Variants in BAHCC1 observed in about 807,000 individuals in gnomAD.
The protein encoded by BAHCC1 is BAH domain and coiled-coil containing 1.
Under a neutral mutation model 88.2 loss-of-function variants are expected in BAHCC1, and 43 were observed. The ratio of observed to expected loss-of-function variants is 0.49; its 90% confidence interval spans 0.38 to 0.63. The LOEUF (loss-of-function observed/expected upper bound fraction) is 0.63. BAHCC1 is among the 20% of genes least tolerant of loss of function. BAHCC1 has a pLI of 0.00. For missense variants in BAHCC1, 3,023 were observed against 1,654.8 expected, an observed-to-expected ratio of 1.83 and a Z score of -14.34; for synonymous variants, 1,510 against 745.5, an observed-to-expected ratio of 2.03 and a Z score of -16.71.
intron 1 of BAHCC1, among the ~76,000 whole-genome samples, chr17:81,398,269 C>T (rs1458174066): frequency 2.6e-5 from 4 of 152,228 alleles, no homozygotes; most frequent in African/African-American, 9.6e-5. Context: ...CAGCTTCTAT[C>T]ACTGGCTCCG....
chr17:81,410,472 T>C (rs1423510120), intron 2 of BAHCC1, among the ~76,000 whole-genome samples: 1 of 152,218 alleles, frequency 6.6e-6, no homozygotes, highest in African/African-American at 2.4e-5. Flanking sequence ...TACCCCTACC[T>C]GTGCAGGGGC....
At position 81,447,058 on chromosome 17, in the gene BAHCC1, C is replaced by T. The variant is rs1555654593; in HGVS notation, c.3186C>T (p.Arg1062=). ...SEPDLPPGYL[R]PMAGLGFSLP... is the part of the protein sequence containing the mutation. ...CAGACCTGCCTCCCGGATACCTGCG[C>T]CCCATGGCTGGCCTGGGCTTCTCCC... Residue 1062 remains arginine (R), a synonymous_variant, in exon 11 of 28, where the codon CGC becomes CGT. Coordinates refer to ENST00000675386, the MANE Select transcript of BAHCC1 (RefSeq NM_001377448.1). 1.3e-6 allele frequency: 1 copy of T among 779,252 alleles called. No homozygotes were observed. The highest frequency in any genetic ancestry group is 1.7e-5 in the African/African-American group (1 of 59,140). The allele number at this position is 779,252 out of a possible 1,614,324, so 48.3% of individuals were successfully genotyped here. A position where few individuals can be genotyped will look rare whatever the true frequency, so the allele number is the denominator to read the frequency against.
At chr17:81,460,100 G>C (rs573097537) in intron 23 of BAHCC1, among the ~76,000 whole-genome samples, 177 bp from the exon 24 acceptor site, 1 of 152,128 alleles carries the variant, frequency 6.6e-6, no homozygotes, top group South Asian at 2.1e-4. Flanking sequence ...GGCACTGCAG[G>C]AGGTGGAGAG....
At position 81,399,560 on chromosome 17, in the gene BAHCC1, G is replaced by A; in HGVS notation, c.-180G>A. 2 of 387,058 alleles carry A rather than the reference G, an allele frequency of 5.2e-6. No individual in the cohort carries two copies. The highest frequency in any genetic ancestry group is 5.0e-6 in the Non-Finnish European group (1 of 201,438). 24.0% of individuals were successfully genotyped at this position (387,058 alleles called of 1,614,324 possible). ...CCATGGACCCGCACAGCGGCCGCTG[G>A]CTCGGTGCGCGGCCGCCCGCCGAGA... On this transcript the variant is annotated 5_prime_UTR_variant, in exon 2 of 28. An upstream open reading frame in the 5' UTR gains an earlier in-frame stop. Transcript: ENST00000675386. The surrounding 1 kb of genome is among the most constrained non-coding windows in gnomAD (Gnocchi z 4.5).
At chr17:81,395,722 A>G (rs2063740016) in intron 1 of BAHCC1, 87 bp downstream of exon 1, 2 of 147,340 alleles carry the variant, frequency 1.4e-5, no homozygotes, top group South Asian at 4.3e-4. Flanking sequence ...GGGGTTTTAC[A>G]TTTTTTTTAG....
At chr17:81,418,318 A>T (rs1443214633) in intron 2 of BAHCC1, among the ~76,000 whole-genome samples, 2 of 152,054 alleles carry the variant, frequency 1.3e-5, no homozygotes, top group Non-Finnish European at 2.9e-5. Context: ...CACAGAGGGG[A>T]GCTGGGCCTG....
chr17:81,461,890 C>G lies in BAHCC1; in HGVS notation c.7227C>G (p.Ser2409Arg). ...GTGAGSGPSS[S>R]SKSKLKRKEA... ...GTGCGGGCTCAGGCCCCAGCAGCAG[C>G]AGCAAATCCAAGCTCAAGCGCAAAG... Residue 2409 changes from serine to arginine, a missense_variant, in exon 26 of 28, where the codon AGC (serine) becomes AGG (arginine). By Grantham distance (110) the Ser-to-Arg change is moderately radical. Transcript: ENST00000675386. The G allele has an allele frequency of 1.4e-6, 1 of 733,534 alleles. No homozygotes were observed. Among genetic ancestry groups the G allele is most frequent in the Non-Finnish European group, 2.5e-6 (1 of 394,944 alleles). 45.4% of individuals were successfully genotyped at this position (733,534 alleles called of 1,614,324 possible). A position where few individuals can be genotyped will look rare whatever the true frequency, so the allele number is the denominator to read the frequency against.
Position 81,411,147 on chromosome 17 carries a change from C to G in BAHCC1, c.178+11230C>G, listed in dbSNP as rs1228670252. ...CTGCGTGAGTCCATTCATCACGTGC[C>G]TGCAGGTGCCTGTGTCCTGTCTCTG... On this transcript the variant is annotated intron_variant, in intron 2 of 27. Transcript: ENST00000675386. This position sits in a 1 kb window ranked among gnomAD's most constrained non-coding sequence, Gnocchi z 6.2. 5.8e-6 allele frequency: 3 copies of G among 519,128 alleles called. No individual in the cohort carries two copies. Among genetic ancestry groups the G allele is most frequent in the African/African-American group, 3.9e-5 (2 of 51,944 alleles). The allele number at this position is 519,128 out of a possible 1,614,324, so 32.2% of individuals were successfully genotyped here.
At position 81,418,869 on chromosome 17, in the gene BAHCC1, T is replaced by C. The variant is rs1230634739; in HGVS notation, c.179-7931T>C. On this transcript the variant is annotated intron_variant, in intron 2 of 27. Transcript: ENST00000675386. ...CCAGACATGTAGCACAGTCAGACCTTGTGTGTACACCCATAGTCACGTGCA... is the reference window on the plus strand; with the variant it reads ...CCAGACATGTAGCACAGTCAGACCTCGTGTGTACACCCATAGTCACGTGCA... Among the ~76,000 whole-genome samples, 6 of 151,162 alleles carry C rather than the reference T, an allele frequency of 4.0e-5. No individual in the cohort carries two copies. The Admixed American group carries it at 4.0e-4, about 10-fold the overall frequency.
At chr17:81,451,040 CAGG>C (rs2064623989) in intron 11 of BAHCC1, 1 of 154,390 alleles carries the variant, frequency 6.5e-6, no homozygotes, top group Non-Finnish European at 1.5e-5. Context: ...CAGGCAATGG[CAGG>C]TCTTAGCTGC....
intron 2 of BAHCC1, among the ~76,000 whole-genome samples, chr17:81,416,372 GTGTCCATGAGGATGGGTGTA>G: frequency 6.8e-5 from 10 of 147,842 alleles, no homozygotes; most frequent in Middle Eastern, 3.9e-3. Flanking sequence ...GTCTATGCGT[GTGTCCATGAGGATGGGTGTA>G]TGCGCGTGTG....
chr17:81,448,464 G>A (rs1188773456), intron 11 of BAHCC1, among the ~76,000 whole-genome samples: 1 of 152,150 alleles, frequency 6.6e-6, no homozygotes, highest in Non-Finnish European at 1.5e-5. Context: ...CTGGGCCTTG[G>A]TCCGGGCACT....
rs375980493 is a variant in BAHCC1, at chr17:81,455,360, C to A, written c.4539C>A (p.Ser1513Arg). Residue 1513 changes from serine to arginine, a missense_variant, in exon 15 of 28, where the codon AGC (serine) becomes AGA (arginine). Ser to Arg is a moderately radical substitution (Grantham distance 110, BLOSUM62 -1). Coordinates refer to ENST00000675386, the MANE Select transcript of BAHCC1 (RefSeq NM_001377448.1). The stretch of plus-strand genomic sequence containing the variant: ...AGAAGCGAAGCAAGCTGGAGAGGAG[C>A]GTCTATGCGGGCCTGCAGACTGCCT... ...PAKKRSKLER[S>R]VYAGLQTASV... is the part of the protein sequence containing the mutation. 5.6e-6 allele frequency: 4 copies of A among 716,716 alleles called. No homozygotes were observed. Among genetic ancestry groups the A allele is most frequent in the Non-Finnish European group, 1.0e-5 (4 of 384,958 alleles). The allele number at this position is 716,716 out of a possible 1,614,324, so 44.4% of individuals were successfully genotyped here. A position where few individuals can be genotyped will look rare whatever the true frequency, so the allele number is the denominator to read the frequency against.
At chr17:81,425,825 TGTG>T (rs1423920466) in intron 2 of BAHCC1, among the ~76,000 whole-genome samples, 1 of 120,592 alleles carries the variant, frequency 8.3e-6, no homozygotes, top group Non-Finnish European at 1.7e-5. Context: ...TGGTGGGTAA[TGTG>T]GTTGGTGATT....
In BAHCC1 at chr17:81,458,373, G is replaced by A. The variant is rs368078162; in HGVS notation, c.5250G>A (p.Arg1750=). The change falls in exon 18 of 28, where the codon CGG becomes CGA. Residue 1750 remains arginine, a synonymous_variant. Coordinates refer to ENST00000675386, the MANE Select transcript of BAHCC1 (RefSeq NM_001377448.1). ...GGGACGCCCTCTTCAACCCCTCTCG[G>A]GCCTTCGCCTGCCGTGAGGAGGGCA... is the stretch of plus-strand genomic sequence containing the variant. The part of the protein sequence containing the change: ...PSRDALFNPS[R]AFACREEGSQ... 1.7e-4 allele frequency: 120 copies of A among 725,778 alleles called. No homozygotes were observed. The Middle Eastern group carries it at 6.9e-3, about 42-fold the overall frequency. 45.0% of individuals were successfully genotyped at this position (725,778 alleles called of 1,614,324 possible).
Position 81,447,608 on chromosome 17 carries a change from G to A in BAHCC1, c.3736G>A (p.Gly1246Arg), listed in dbSNP as rs61745233. ...SMEDSEEDCG[G>R]APDNSHPPRA... Reference sequence around the variant, plus strand: ...GGAGGACTCAGAGGAGGACTGTGGCGGAGCTCCCGACAACAGCCACCCACC... The same window carrying A: ...GGAGGACTCAGAGGAGGACTGTGGCAGAGCTCCCGACAACAGCCACCCACC... Residue 1246 changes from glycine (G) to arginine (R), a missense_variant, in exon 11 of 28, where the codon GGA becomes AGA. Coordinates refer to ENST00000675386, the MANE Select transcript of BAHCC1 (RefSeq NM_001377448.1). 50,670 of 746,974 alleles carry A rather than the reference G, an allele frequency of 0.068. 2,077 individuals carry two copies. The highest frequency in any genetic ancestry group is 0.092 in the Middle Eastern group (403 of 4,398). 46.3% of individuals were successfully genotyped at this position (746,974 alleles called of 1,614,324 possible). A position where few individuals can be genotyped will look rare whatever the true frequency, so the allele number is the denominator to read the frequency against.
At chr17:81,413,652 G>A (rs1598459364) in intron 2 of BAHCC1, among the ~76,000 whole-genome samples, 1 of 152,210 alleles carries the variant, frequency 6.6e-6, no homozygotes, top group South Asian at 2.1e-4. Context: ...ACAAGGCCGC[G>A]GGGGCTGCAG....
chr17:81,455,466 C>G (rs1446933418), intron 15 of BAHCC1, 76 bp downstream of exon 15: 2 of 675,076 alleles, frequency 3.0e-6, no homozygotes, highest in Non-Finnish European at 5.4e-6. Flanking sequence ...GTAGCAGACT[C>G]TCCCCAGCCC....
chr17:81,438,453 G>A lies in BAHCC1; in HGVS notation c.442G>A (p.Val148Ile), dbSNP rs369663651. Residue 148 changes from valine (V) to isoleucine (I), a missense_variant, in exon 4 of 28, where the codon GTT becomes ATT. Coordinates refer to ENST00000675386, the MANE Select transcript of BAHCC1 (RefSeq NM_001377448.1). ...SHLDHHGNSN[V>I]LYGQHRFYGT... ...CTTGGATCACCATGGAAACAGCAACGTTCTCTATGGGCAGCACCGTTTCTA... is the reference window on the plus strand; with the variant it reads ...CTTGGATCACCATGGAAACAGCAACATTCTCTATGGGCAGCACCGTTTCTA... The A allele has an allele frequency of 2.1e-5, 16 of 776,210 alleles. No homozygotes were observed. The highest frequency in any genetic ancestry group is 2.9e-5 in the Non-Finnish European group (12 of 416,420). 48.1% of individuals were successfully genotyped at this position (776,210 alleles called of 1,614,324 possible).
Sources: gnomAD v4.1 joint callset for allele counts (sites outside exome capture counted in the v4.1 genomes callset) on GRCh38, gnomAD v4.1.1 for gene constraint, Gnocchi (gnomAD v3.1) non-coding constraint, MANE v1.5 for transcripts, NCBI Gene and HGNC (gene_info 2026-07-23, HGNC 2026-07-21) for gene names.